The following EIF2D variants were observed in gnomAD, a reference collection of about 807,000 sequenced individuals.
EIF2D encodes hepatocellular carcinoma-associated antigen 56.
Under a neutral mutation model 77.4 loss-of-function variants are expected in EIF2D, and 56 were observed. That is an observed-to-expected ratio of 0.72 (90% confidence interval 0.58 to 0.90). The LOEUF (loss-of-function observed/expected upper bound fraction) is 0.90, where lower values mean the gene tolerates loss of function less well. EIF2D is among the 40% of genes least tolerant of loss of function. The pLI, the probability that EIF2D is intolerant of heterozygous loss-of-function variation, is 0.00. For missense variants in EIF2D, 574 were observed against 706.5 expected (o/e 0.81, Z 2.13); for synonymous variants, 230 against 271.0 (o/e 0.85, Z 1.49).
At chr1:206,605,599 C>G (rs1670169854) in intron 4 of EIF2D, 92 bp from the exon 5 acceptor site, 1 of 1,064,130 alleles carries the variant, frequency 9.4e-7, no homozygotes, top group Admixed American at 2.1e-5. Context: ...GGTAAAAATA[C>G]CAAGGTTACC....
At chr1:206,611,848 C>T (rs947239942) in intron 1 of EIF2D, among the ~76,000 whole-genome samples, 6 of 152,238 alleles carry the variant, frequency 3.9e-5, no homozygotes, top group Non-Finnish European at 2.9e-5. Flanking sequence ...ACCACATGTG[C>T]CTTATTCCCT....
At chr1:206,588,923 G>A (rs1320728202), downstream of EIF2D, 1 of 152,614 alleles carries the variant, frequency 6.6e-6, no homozygotes, top group African/African-American at 2.4e-5. Flanking sequence ...CTCCCTCTAT[G>A]GGGATGGCTA....
Position 206,597,125 on chromosome 1 carries a change from G to A in EIF2D, c.1363C>T (p.Leu455Phe). The change falls in exon 12 of 15, where the codon CTT becomes TTT. Residue 455 changes from leucine (L) to phenylalanine (F), a missense_variant. Transcript: ENST00000271764. ...CTGGTCAGAAGACTGTCCCATGGAA[G>A]CTTCATGACTGTATGCTGTTCATTT... ...EKNEQHTVMK[L>F]PWDSLLTRCL... 1.2e-6 allele frequency: 2 copies of A among 1,614,054 alleles called. No homozygotes were observed. The highest frequency in any genetic ancestry group is 1.7e-6 in the Non-Finnish European group (2 of 1,179,948).
At chr1:206,585,276 A>T in intron 2 of EIF2D, 1 of 1,614,104 alleles carries the variant, frequency 6.2e-7, no homozygotes, top group Non-Finnish European at 8.5e-7. Context: ...CTAAAGGAGA[A>T]TGAAACTGGA....
At chr1:206,586,605 G>C (rs1669122736) in intron 2 of EIF2D, 2 of 518,268 alleles carry the variant, frequency 3.9e-6, no homozygotes, top group Admixed American at 3.5e-5. Flanking sequence ...TCATAGACTG[G>C]CAACTCTTGG....
chr1:206,593,689 A>C lies in EIF2D; in HGVS notation c.1614T>G (p.Pro538=). 6.2e-7 allele frequency: 1 copy of C among 1,613,976 alleles called. No homozygotes were observed. Among genetic ancestry groups the C allele is most frequent in the Non-Finnish European group, 8.5e-7 (1 of 1,179,958 alleles). ...GCACCTGAAGGCTGTCCTTGGCCCC[A>C]GGGGCAGGATTGACGGTGGTGCTAG... is the stretch of plus-strand genomic sequence containing the variant. The part of the protein sequence containing the change: ...CQASTTVNPA[P]GAKDSLQVQI... Residue 538 remains proline, a synonymous_variant, in exon 14 of 15, where the codon CCT becomes CCG. Transcript: ENST00000271764.
chr1:206,577,766 T>G (rs1553405440), intron 4 of EIF2D, among the ~76,000 whole-genome samples: 1 of 152,236 alleles, frequency 6.6e-6, no homozygotes, highest in Non-Finnish European at 1.5e-5. Flanking sequence ...TTTTGTCCAC[T>G]GTAGGCAATA....
At chr1:206,591,085 A>G (rs1445368558), downstream of EIF2D, among the ~76,000 whole-genome samples, 1 of 152,194 alleles carries the variant, frequency 6.6e-6, no homozygotes, top group Admixed American at 6.5e-5. Flanking sequence ...GACCCCTTCC[A>G]TGACCTCCAC....
rs1313217581 is a variant in EIF2D at position 206,584,052 on chromosome 1, A to AAACTAGAGTGGCTACCCC, written c.139-2908_139-2891dup. Among the ~76,000 whole-genome samples the AAACTAGAGTGGCTACCCC allele has an allele frequency of 4.6e-5, 7 of 152,164 alleles. No individual in the cohort carries two copies. In the East Asian group the frequency reaches 1.3e-3, roughly 29 times the overall value. On this transcript the variant is annotated intron_variant and NMD_transcript_variant, in intron 2 of 5. Transcript: ENST00000472709. The surrounding 1 kb of genome is among the most constrained non-coding windows in gnomAD (Gnocchi z 4.9). ...TGCTTCCTGCCTGGTTCAGAGGTAC[A>AAACTAGAGTGGCTACCCC]AACTAGAGTGGCTACCCCACACCCT...
chr1:206,578,260 G>GTGTGTGTA (rs1339815554), intron 4 of EIF2D, among the ~76,000 whole-genome samples: 2 of 151,170 alleles, frequency 1.3e-5, no homozygotes, highest in African/African-American at 4.8e-5. Context: ...GTGTGTGTGT[G>GTGTGTGTA]TGTAAGTAGA....
At chr1:206,596,873 G>A (rs1483070104) in intron 12 of EIF2D, among the ~76,000 whole-genome samples, 1 of 151,956 alleles carries the variant, frequency 6.6e-6, no homozygotes, top group African/African-American at 2.4e-5. Context: ...TTTAATTAAT[G>A]TTCCTTTTTG....
At position 206,584,309 on chromosome 1, in the gene EIF2D, G is replaced by A. The variant is rs1669014806; in HGVS notation, c.139-3147C>T. The A allele has an allele frequency of 7.1e-7, 1 of 1,415,182 alleles. No individual in the cohort carries two copies. Among genetic ancestry groups the A allele is most frequent in the African/African-American group, 1.4e-5 (1 of 69,994 alleles). 87.7% of individuals were successfully genotyped at this position (1,415,182 alleles called of 1,614,324 possible). On this transcript the variant is annotated intron_variant and NMD_transcript_variant, in intron 2 of 5. Transcript: ENST00000472709. This position sits in a 1 kb window ranked among gnomAD's most constrained non-coding sequence, Gnocchi z 4.9. Reference sequence around the variant, plus strand: ...TCAAGGAGACAGGTGGGTGCTGCTGGGGCAATGGCCCCGAGTGGCAGATAT... The same window carrying A: ...TCAAGGAGACAGGTGGGTGCTGCTGAGGCAATGGCCCCGAGTGGCAGATAT...
chr1:206,573,781 G>A (rs887240347), intron 4 of EIF2D, among the ~76,000 whole-genome samples: 1 of 152,242 alleles, frequency 6.6e-6, no homozygotes, highest in Non-Finnish European at 1.5e-5. Flanking sequence ...GCCAAAGCGG[G>A]AGGATCACTT....
At chr1:206,587,143 G>A (rs888683286), downstream of EIF2D, 9 of 845,938 alleles carry the variant, frequency 1.1e-5, no homozygotes, top group Admixed American at 2.1e-5. Context: ...GTGTTTGCAC[G>A]AGGGTTCAGC....
downstream of EIF2D, chr1:206,587,755 C>G (rs1348638804): frequency 2.6e-5 from 4 of 152,434 alleles, no homozygotes; most frequent in Admixed American, 1.3e-4. Flanking sequence ...ATGTTGTCAT[C>G]ATCGTCATGT....
downstream of EIF2D, among the ~76,000 whole-genome samples, chr1:206,569,699 C>A (rs1216509130): frequency 2.0e-5 from 3 of 152,216 alleles, no homozygotes; most frequent in Non-Finnish European, 2.9e-5. Flanking sequence ...TCTTGAGGCC[C>A]CTTCCTGATC....
At chr1:206,586,719 C>T (rs1056109189), downstream of EIF2D, 25 of 845,508 alleles carry the variant, frequency 3.0e-5, no homozygotes, top group Middle Eastern at 6.8e-4. Flanking sequence ...GTGTGAATCA[C>T]GGATGTGAAC....
chr1:206,578,943 G>C (rs782573717), intron 4 of EIF2D, among the ~76,000 whole-genome samples: 2 of 152,180 alleles, frequency 1.3e-5, no homozygotes, highest in African/African-American at 4.8e-5. Context: ...GGGCAAATCT[G>C]CCCTGAGTTA....
At position 206,584,407 on chromosome 1, in the gene EIF2D, G is replaced by A. The variant is rs372473374; in HGVS notation, c.139-3245C>T. 2.4e-5 allele frequency: 39 copies of A among 1,613,272 alleles called. No individual in the cohort carries two copies. Among genetic ancestry groups the A allele is most frequent in the African/African-American group, 1.3e-4 (10 of 74,896 alleles). ...GGCAGAGTGAAGACGGCACCTACAC[G>A]GGTTTCATCAAAGTGCATCTGAAAC... is the stretch of plus-strand genomic sequence containing the variant. On this transcript the variant is annotated intron_variant and NMD_transcript_variant, in intron 2 of 5. Coordinates refer to the EIF2D transcript ENST00000472709. The surrounding 1 kb of genome is among the most constrained non-coding windows in gnomAD (Gnocchi z 4.9).
Sources: gnomAD v4.1 joint callset for allele counts (sites outside exome capture counted in the v4.1 genomes callset) on GRCh38, gnomAD v4.1.1 for gene constraint, Gnocchi (gnomAD v3.1) non-coding constraint, MANE v1.5 for transcripts, NCBI Gene and HGNC (gene_info 2026-07-23, HGNC 2026-07-21) for gene names.